DNM2: variants seen among roughly 807,000 people sequenced by gnomAD.
DNM2 encodes the protein dynamin-2.
In DNM2, 15 loss-of-function variants were observed where a neutral mutation model predicts 99.0. The observed-to-expected ratio is 0.15, with a 90% confidence interval of 0.10 to 0.23. DNM2 has a LOEUF of 0.23. DNM2 is among the 10% of genes least tolerant of loss of function. The probability of loss-of-function intolerance (pLI) is 1.00; values close to 1 mark genes in which losing one functional copy is unlikely to be tolerated. For synonymous variants in DNM2, 525 were observed against 481.2 expected, an observed-to-expected ratio of 1.09 and a Z score of -1.19; for missense variants, 742 against 1,189.4, an observed-to-expected ratio of 0.62 and a Z score of 5.53.
At chr19:10,753,308 C>T (rs1365821573) in intron 1 of DNM2, among the ~76,000 whole-genome samples, 1 of 152,052 alleles carries the variant, frequency 6.6e-6, no homozygotes, top group East Asian at 1.9e-4. Context: ...AGGCCCCAGC[C>T]GCCCCGGGTC....
intron 2 of DNM2, among the ~76,000 whole-genome samples, chr19:10,762,701 A>G (rs1290351026): frequency 6.6e-6 from 1 of 152,148 alleles, no homozygotes; most frequent in Non-Finnish European, 1.5e-5. Context: ...CTTCCTGACC[A>G]CTTGCCTTAG....
At position 10,775,665 on chromosome 19, in the gene DNM2, C is replaced by T; in HGVS notation, c.386-38C>T. 6.2e-7 allele frequency: 1 copy of T among 1,613,374 alleles called. No individual in the cohort carries two copies. The highest frequency in any genetic ancestry group is 2.2e-5 in the East Asian group (1 of 44,864). Reference sequence around the variant, plus strand: ...CGGGCCTGTTTGTGCCTCCCCTCTCCTGGCTCTGAATGCCTTTCCTTCTGG... The same window carrying T: ...CGGGCCTGTTTGTGCCTCCCCTCTCTTGGCTCTGAATGCCTTTCCTTCTGG... On this transcript the variant is annotated intron_variant, in intron 3 of 20. Transcript: ENST00000389253. The surrounding 1 kb of genome is among the most constrained non-coding windows in gnomAD (Gnocchi z 4.3).
chr19:10,776,036 C>T, intron 4 of DNM2, 130 bp downstream of exon 4: 2 of 1,170,772 alleles, frequency 1.7e-6, no homozygotes, highest in Non-Finnish European at 2.4e-6. Context: ...CCTCCTGGAA[C>T]ATGGCACTTC....
intron 3 of DNM2, among the ~76,000 whole-genome samples, chr19:10,773,265 A>G (rs369790935): frequency 6.6e-6 from 1 of 150,730 alleles, no homozygotes; most frequent in Non-Finnish European, 1.5e-5. Flanking sequence ...CTCCTGCCTC[A>G]GCCTCCCAAG....
chr19:10,718,524 C>T, intron 1 of DNM2, 121 bp downstream of exon 1: 3 of 1,237,624 alleles, frequency 2.4e-6, no homozygotes, highest in Non-Finnish European at 3.0e-6. Context: ...CGGCGGGGAA[C>T]CGGACGGGGT....
intron 1 of DNM2, among the ~76,000 whole-genome samples, chr19:10,751,276 A>G (rs1403588263): frequency 6.6e-6 from 1 of 152,068 alleles, no homozygotes; most frequent in Non-Finnish European, 1.5e-5. Context: ...AGGATCACAC[A>G]GCACAGAGGT....
At chr19:10,800,552 C>G (rs1309045254) in intron 11 of DNM2, among the ~76,000 whole-genome samples, 1 of 152,226 alleles carries the variant, frequency 6.6e-6, no homozygotes, top group Non-Finnish European at 1.5e-5. Flanking sequence ...CTTACTAAAC[C>G]AGCCACGCTC....
At chr19:10,718,487 G>T in intron 1 of DNM2, 84 bp downstream of exon 1, 8 of 1,277,072 alleles carry the variant, frequency 6.3e-6, no homozygotes, top group Non-Finnish European at 7.9e-6. Context: ...GTGCGCCGCC[G>T]GCGTAACTGC....
intron 5 of DNM2, among the ~76,000 whole-genome samples, chr19:10,779,406 A>G (rs961816156): frequency 8.2e-5 from 12 of 145,692 alleles, no homozygotes; most frequent in Admixed American, 6.9e-5. Context: ...GCCTGCGTTG[A>G]CCCATTGTCA....
At chr19:10,753,669 T>C (rs558875743) in intron 1 of DNM2, among the ~76,000 whole-genome samples, 79 of 151,784 alleles carry the variant, frequency 5.2e-4, no homozygotes, top group South Asian at 3.1e-3. Context: ...TTTGTTTTTT[T>C]CCCCCGAGAC....
In DNM2 at chr19:10,765,242, G is replaced by A. The variant is rs1464289496; in HGVS notation, c.235+5431G>A. Among the ~76,000 whole-genome samples, 1 of 152,224 alleles carries A rather than the reference G, an allele frequency of 6.6e-6. No individual in the cohort carries two copies. The highest frequency in any genetic ancestry group is 1.5e-5 in the Non-Finnish European group (1 of 68,036). ...CAAAGTGCTGGGATTACAGGCGTGA[G>A]CCACCACGCCCGGCCTGTTTTTTCT... On this transcript the variant is annotated intron_variant, in intron 2 of 20. Coordinates refer to ENST00000389253, the MANE Select transcript of DNM2 (RefSeq NM_001005361.3). The surrounding 1 kb of genome is among the most constrained non-coding windows in gnomAD (Gnocchi z 4.4).
intron 1 of DNM2, among the ~76,000 whole-genome samples, chr19:10,719,985 A>G (rs528853103): frequency 6.9e-6 from 1 of 145,920 alleles, no homozygotes; most frequent in South Asian, 2.3e-4. Context: ...CGTGGTGGAA[A>G]GGTGTGGACT....
intron 1 of DNM2, among the ~76,000 whole-genome samples, chr19:10,758,640 G>A (rs1236224164): frequency 1.3e-5 from 2 of 148,548 alleles, no homozygotes; most frequent in Non-Finnish European, 3.0e-5. Context: ...TCCGCCTCCT[G>A]GGTTCAAGCG....
In DNM2 at chr19:10,812,467, C is replaced by T; in HGVS notation, c.1671+90C>T. On this transcript the variant is annotated intron_variant, in intron 15 of 20. Transcript: ENST00000389253. The surrounding 1 kb of genome is among the most constrained non-coding windows in gnomAD (Gnocchi z 4.0). The stretch of plus-strand genomic sequence containing the variant: ...GCTCCCTCTGGGCAGAACTCAGTCA[C>T]TGCGCCACTCTGCCCTGAGTCACCA... 3 of 1,044,060 alleles carry T rather than the reference C, an allele frequency of 2.9e-6. No homozygotes were observed. Among genetic ancestry groups the T allele is most frequent in the East Asian group, 5.7e-5 (2 of 35,176 alleles). 64.7% of individuals were successfully genotyped at this position (1,044,060 alleles called of 1,614,324 possible).
At chr19:10,740,023 G>A (rs1048339544) in intron 1 of DNM2, among the ~76,000 whole-genome samples, 2 of 151,988 alleles carry the variant, frequency 1.3e-5, no homozygotes, top group Admixed American at 6.6e-5. Context: ...GGTCTTTCTA[G>A]GAATTTGTCC....
Position 10,825,041 on chromosome 19 carries a change from C to T in DNM2, c.1894-16C>T. On this transcript the variant is annotated splice_polypyrimidine_tract_variant and intron_variant, in intron 17 of 20. Transcript: ENST00000389253. Reference sequence around the variant, plus strand: ...AGGCCACAGTCACCCCTCAGCACCTCCCCTCCCGCTTGCAGGCAGAAAACG... The same window carrying T: ...AGGCCACAGTCACCCCTCAGCACCTTCCCTCCCGCTTGCAGGCAGAAAACG... 1 of 1,613,852 alleles carries T rather than the reference C, an allele frequency of 6.2e-7. No homozygotes were observed. The highest frequency in any genetic ancestry group is 8.5e-7 in the Non-Finnish European group (1 of 1,179,926).
In DNM2 at chr19:10,816,701, G is replaced by A. The variant is rs1047858211; in HGVS notation, c.1672-3279G>A. On this transcript the variant is annotated intron_variant, in intron 15 of 20. Coordinates refer to ENST00000389253, the MANE Select transcript of DNM2 (RefSeq NM_001005361.3). The surrounding 1 kb of genome is among the most constrained non-coding windows in gnomAD (Gnocchi z 4.6). Reference sequence around the variant, plus strand: ...CCCTGCCTTTCAGTTCAGGGCTGTGGGGACCTTCCAGGGTCCCCTGGGTGG... The same window carrying A: ...CCCTGCCTTTCAGTTCAGGGCTGTGAGGACCTTCCAGGGTCCCCTGGGTGG... Among the ~76,000 whole-genome samples, 11 of 152,304 alleles carry A rather than the reference G, an allele frequency of 7.2e-5. No individual in the cohort carries two copies. The highest frequency in any genetic ancestry group is 2.0e-4 in the Admixed American group (3 of 15,308).
At chr19:10,791,292 T>C (rs1231362280) in intron 7 of DNM2, among the ~76,000 whole-genome samples, 1 of 152,116 alleles carries the variant, frequency 6.6e-6, no homozygotes, top group African/African-American at 2.4e-5. Flanking sequence ...TCTCACTATG[T>C]TGCCCAGGCT....
intron 12 of DNM2, 151 bp from the exon 13 acceptor site, chr19:10,805,765 T>C: frequency 2.2e-6 from 2 of 904,774 alleles, no homozygotes; most frequent in East Asian, 2.6e-5. Flanking sequence ...CCGTTTCCCT[T>C]GCGCAGCTCT....
Sources: gnomAD v4.1 joint callset for allele counts (sites outside exome capture counted in the v4.1 genomes callset) on GRCh38, gnomAD v4.1.1 for gene constraint, Gnocchi (gnomAD v3.1) non-coding constraint, MANE v1.5 for transcripts, NCBI Gene and HGNC (gene_info 2026-07-23, HGNC 2026-07-21) for gene names.